MFAP3: variants seen among roughly 807,000 people sequenced by gnomAD.
MFAP3 encodes microfibril-associated glycoprotein 3.
MFAP3 carries 8 observed loss-of-function variants against 20.5 expected under a neutral mutation model. The ratio of observed to expected loss-of-function variants is 0.39; its 90% CI spans 0.23 to 0.70. MFAP3 has a LOEUF of 0.70. Ranked by LOEUF, MFAP3 falls within the 30% of genes least tolerant of loss-of-function variation. The pLI, the probability that MFAP3 is intolerant of heterozygous loss-of-function variation, is 0.44. For synonymous variants in MFAP3, 140 were observed against 154.0 expected (o/e 0.91, Z 0.67); for missense variants, 398 against 444.6 (o/e 0.90, Z 0.94).
intron 1 of MFAP3, chr5:154,039,415 C>G (rs1364985289): frequency 6.6e-6 from 1 of 152,100 alleles, no homozygotes; most frequent in Non-Finnish European, 1.5e-5. Context: ...GAGAGAATAG[C>G]GCGTGCAAAG....
chr5:154,054,246 A>G lies in MFAP3; in HGVS notation c.*533A>G, dbSNP rs937936455. ...AGATCTAAATTTCCACACCAATGTC[A>G]TAATGCACAGAGGTTTTTGAAAAAC... On this transcript the variant is annotated 3_prime_UTR_variant, in exon 3 of 3. Transcript: ENST00000522782. The G allele has an allele frequency of 1.2e-5, 2 of 168,360 alleles. No homozygotes were observed. The highest frequency in any genetic ancestry group is 2.4e-5 in the African/African-American group (1 of 41,476). The allele number at this position is 168,360 out of a possible 1,614,324, so 10.4% of individuals were successfully genotyped here.
intron 1 of MFAP3, among the ~76,000 whole-genome samples, chr5:154,042,856 G>T (rs1293833094): frequency 1.3e-5 from 2 of 151,974 alleles, no homozygotes; most frequent in East Asian, 3.9e-4. Flanking sequence ...TACCACCTGG[G>T]CATCAATGTG....
chr5:154,041,812 G>A (rs1291764041), intron 1 of MFAP3, among the ~76,000 whole-genome samples: 2 of 152,200 alleles, frequency 1.3e-5, no homozygotes, highest in African/African-American at 4.8e-5. Flanking sequence ...AAGGATATGA[G>A]TTAGGACAGA....
intron 1 of MFAP3, among the ~76,000 whole-genome samples, chr5:154,039,751 A>G (rs1029495047): frequency 1.3e-5 from 2 of 152,224 alleles, no homozygotes; most frequent in African/African-American, 2.4e-5. Flanking sequence ...GTAAAATATT[A>G]AAATCAATCT....
At chr5:154,044,177 G>A (rs1425451911) in intron 1 of MFAP3, among the ~76,000 whole-genome samples, 3 of 152,182 alleles carry the variant, frequency 2.0e-5, no homozygotes, top group South Asian at 4.1e-4. Context: ...CATCTTCCAC[G>A]ATGGATCCTT....
intron 1 of MFAP3, among the ~76,000 whole-genome samples, chr5:154,041,520 A>T (rs1581858994): frequency 6.6e-6 from 1 of 152,256 alleles, no homozygotes; most frequent in Non-Finnish European, 1.5e-5. Context: ...TCCTCCTGCA[A>T]GCAATTATCG....
In MFAP3 at chr5:154,055,735, A is replaced by T. The variant is rs1023892661; in HGVS notation, c.*2022A>T. On this transcript the variant is annotated 3_prime_UTR_variant, in exon 3 of 3. Transcript: ENST00000522782. The stretch of plus-strand genomic sequence containing the variant: ...ATCGTCCTGCTTCAGCCTCCCAAGC[A>T]GCTAGGACTACAGGTGTGCACCACC... 6.6e-6 allele frequency among the ~76,000 whole-genome samples: 1 copy of T among 152,138 alleles called. No individual in the cohort carries two copies. Among genetic ancestry groups the T allele is most frequent in the Non-Finnish European group, 1.5e-5 (1 of 68,026 alleles).
In MFAP3 at chr5:154,049,812, G is replaced by A; in HGVS notation, c.90G>A (p.Met30Ile). Residue 30 changes from methionine (M) to isoleucine (I), a missense_variant, in exon 2 of 3, where the codon ATG becomes ATA. By Grantham distance (10) the Met-to-Ile change is conservative (BLOSUM62 1). Transcript: ENST00000522782. Reference protein sequence around the residue: ...FVLEDVDFDQMVSLEANRSSY... With the variant: ...FVLEDVDFDQIVSLEANRSSY... ...TGGAAGATGTGGACTTCGACCAAAT[G>A]GTTTCACTGGAAGCAAATCGTAGTT... 6.2e-7 allele frequency: 1 copy of A among 1,613,674 alleles called. No homozygotes were observed. The highest frequency in any genetic ancestry group is 8.5e-7 in the Non-Finnish European group (1 of 1,179,728).
At chr5:154,052,729 C>T (rs545003475) in intron 2 of MFAP3, among the ~76,000 whole-genome samples, 191 bp from the exon 3 acceptor site, 33 of 152,080 alleles carry the variant, frequency 2.2e-4, no homozygotes, top group Non-Finnish European at 4.6e-4. Context: ...CTTTTAAGAT[C>T]CAAGCTAATT....
intron 1 of MFAP3, among the ~76,000 whole-genome samples, chr5:154,041,890 A>G (rs921795059): frequency 3.3e-5 from 5 of 152,224 alleles, no homozygotes; most frequent in African/African-American, 7.2e-5. Flanking sequence ...TTTATAATTT[A>G]CCCACATTAG....
chr5:154,055,720 T>C lies in MFAP3; in HGVS notation c.*2007T>C, dbSNP rs2113571803. Among the ~76,000 whole-genome samples the C allele has an allele frequency of 6.6e-6, 1 of 152,168 alleles. No homozygotes were observed. Among genetic ancestry groups the C allele is most frequent in the Middle Eastern group, 3.4e-3 (1 of 294 alleles). ...TCCTGGGGTCAAGCGATCGTCCTGC[T>C]TCAGCCTCCCAAGCAGCTAGGACTA... On this transcript the variant is annotated 3_prime_UTR_variant, in exon 3 of 3. Transcript: ENST00000522782.
chr5:154,043,694 A>G (rs893428075), intron 1 of MFAP3, among the ~76,000 whole-genome samples: 1 of 151,868 alleles, frequency 6.6e-6, no homozygotes, highest in Non-Finnish European at 1.5e-5. Flanking sequence ...TTGGGTTTCA[A>G]ATGTCAGCTG....
Position 154,053,333 on chromosome 5 carries a change from A to G in MFAP3, c.709A>G (p.Arg237Gly). ...TGCTCGTTATATTGAAGAACTGGCA[A>G]GAAGTGTCCCTCTTCCACCTCTTAT... ...EFARYIEELA[R>G]SVPLPPLILN... Residue 237 changes from arginine (R) to glycine (G), a missense_variant, in exon 3 of 3, where the codon AGA (arginine) becomes GGA (glycine). By Grantham distance (125) the Arg-to-Gly change is moderately radical. Coordinates refer to ENST00000522782, the MANE Select transcript of MFAP3 (RefSeq NM_005927.5). 6.2e-7 allele frequency: 1 copy of G among 1,614,112 alleles called. No individual in the cohort carries two copies. Among genetic ancestry groups the G allele is most frequent in the Non-Finnish European group, 8.5e-7 (1 of 1,179,968 alleles).
rs1452924759 is a variant in MFAP3, at chr5:154,055,410, T to A, written c.*1697T>A. Among the ~76,000 whole-genome samples the A allele has an allele frequency of 6.6e-6, 1 of 152,206 alleles. No homozygotes were observed. Among genetic ancestry groups the A allele is most frequent in the East Asian group, 1.9e-4 (1 of 5,200 alleles). On this transcript the variant is annotated 3_prime_UTR_variant, in exon 3 of 3. Transcript: ENST00000522782. ...TATCAGATGGCATCATGGATAAAGA[T>A]GATAATGCTGCCTTTTCTGTCTCTC...
chr5:154,050,101 CAAAGAT>C (rs1773153568), intron 2 of MFAP3, 84 bp downstream of exon 2: 2 of 1,450,048 alleles, frequency 1.4e-6, no homozygotes, highest in Admixed American at 2.3e-5. Context: ...CAAAAAGTCT[CAAAGAT>C]AAGGTGCCAA....
At chr5:154,047,460 A>G (rs1773092320) in intron 1 of MFAP3, among the ~76,000 whole-genome samples, 1 of 152,178 alleles carries the variant, frequency 6.6e-6, no homozygotes, top group African/African-American at 2.4e-5. Flanking sequence ...AGGAGATGGC[A>G]GGTTAAGAAA....
chr5:154,046,965 C>T (rs1581863029), intron 1 of MFAP3, among the ~76,000 whole-genome samples: 1 of 152,146 alleles, frequency 6.6e-6, no homozygotes, highest in East Asian at 1.9e-4. Context: ...ACCATTGGCC[C>T]AGTTAGTTCT....
Position 154,054,958 on chromosome 5 carries a change from C to T in MFAP3, c.*1245C>T, listed in dbSNP as rs1773292887. ...ATATTAAAATACACACACAACTGAT[C>T]TAGACATCAAGAGGAAGAAAAATGA... On this transcript the variant is annotated 3_prime_UTR_variant, in exon 3 of 3. Coordinates refer to ENST00000522782, the MANE Select transcript of MFAP3 (RefSeq NM_005927.5). The T allele has an allele frequency of 1.8e-5, 3 of 166,972 alleles. No homozygotes were observed. The highest frequency in any genetic ancestry group is 7.2e-5 in the African/African-American group (3 of 41,436). The allele number at this position is 166,972 out of a possible 1,614,324, so 10.3% of individuals were successfully genotyped here. A position where few individuals can be genotyped will look rare whatever the true frequency, so the allele number is the denominator to read the frequency against.
intron 1 of MFAP3, among the ~76,000 whole-genome samples, chr5:154,041,085 T>A (rs867600773): frequency 1.3e-5 from 2 of 150,732 alleles, no homozygotes; most frequent in Non-Finnish European, 1.5e-5. Flanking sequence ...GGAAAACTGA[T>A]AAGTCTTATA....
Sources: allele counts gnomAD v4.1 joint callset (sites outside exome capture counted in the v4.1 genomes callset), GRCh38; gene constraint gnomAD v4.1.1; transcripts MANE v1.5; gene names NCBI Gene and HGNC (gene_info 2026-07-23, HGNC 2026-07-21).